The following FIRRM variants were observed in gnomAD, a reference collection of about 807,000 sequenced individuals.
FIRRM encodes the protein FIGNL1-interacting regulator of recombination and mitosis.
At chr1:169,849,607 A>G in the FIRRM span, 1 of 1,603,232 alleles carries the variant, frequency 6.2e-7, no homozygotes, top group Non-Finnish European at 8.5e-7. Context: ...TCGCTGAGGT[A>G]ATTATAAAAC....
the FIRRM span, among the ~76,000 whole-genome samples, chr1:169,800,237 G>A: frequency 6.6e-6 from 1 of 151,692 alleles, no homozygotes; most frequent in Admixed American, 6.6e-5. Context: ...GTAGACATGA[G>A]GTCTTGTCAT....
chr1:169,787,123 T>C, the FIRRM span, among the ~76,000 whole-genome samples: 20 of 152,122 alleles, frequency 1.3e-4, no homozygotes, highest in Admixed American at 1.2e-3. Flanking sequence ...TAGGGACAGA[T>C]TTCAGCAGCC....
the FIRRM span, among the ~76,000 whole-genome samples, chr1:169,824,210 C>T: frequency 6.6e-6 from 1 of 152,204 alleles, no homozygotes; most frequent in Admixed American, 6.5e-5. Context: ...AACACATCTA[C>T]TATTCTATGT....
the FIRRM span, among the ~76,000 whole-genome samples, chr1:169,831,761 GT>G: frequency 6.6e-6 from 1 of 152,030 alleles, no homozygotes; most frequent in Non-Finnish European, 1.5e-5. Context: ...GTTAGTGGTG[GT>G]TTTTTTCTTA....
chr1:169,813,064 A>G, the FIRRM span, among the ~76,000 whole-genome samples: 1 of 152,196 alleles, frequency 6.6e-6, no homozygotes. Context: ...ATAAGTTAAG[A>G]TATGTTATTT....
At chr1:169,821,572 GT>G in the FIRRM span, 1,318 of 745,574 alleles carry the variant, frequency 1.8e-3, 7 homozygotes, top group Middle Eastern at 5.5e-3. Context: ...TTTAAGAGGG[GT>G]TTTTTTTGTT....
At chr1:169,808,888 C>T in the FIRRM span, among the ~76,000 whole-genome samples, 10 of 152,076 alleles carry the variant, frequency 6.6e-5, no homozygotes, top group Admixed American at 5.2e-4. Flanking sequence ...TGTGAGCCAC[C>T]GCGCCCAGCC....
At chr1:169,836,144 C>T in the FIRRM span, among the ~76,000 whole-genome samples, 5 of 138,362 alleles carry the variant, frequency 3.6e-5, no homozygotes, top group African/African-American at 1.3e-4. Flanking sequence ...TTGAATTATT[C>T]TACTTCTTAG....
chr1:169,821,185 C>T, the FIRRM span, among the ~76,000 whole-genome samples: 6 of 152,104 alleles, frequency 3.9e-5, no homozygotes, highest in Non-Finnish European at 8.8e-5. Context: ...CTCAAACCTC[C>T]CCCTTCCCGA....
At chr1:169,852,662 G>C in the FIRRM span, 1 of 936,718 alleles carries the variant, frequency 1.1e-6, no homozygotes, top group Non-Finnish European at 1.6e-6. Flanking sequence ...GGGTTTTGGG[G>C]TGCATCCTCC....
At chr1:169,785,816 T>C in the FIRRM span, among the ~76,000 whole-genome samples, 1 of 152,176 alleles carries the variant, frequency 6.6e-6, no homozygotes, top group African/African-American at 2.4e-5. Context: ...TATTTCCCTG[T>C]CTCCTGTGCA....
At chr1:169,844,846 A>G in the FIRRM span, among the ~76,000 whole-genome samples, 1 of 152,228 alleles carries the variant, frequency 6.6e-6, no homozygotes, top group East Asian at 1.9e-4. Flanking sequence ...CTTCCTTTAT[A>G]AAAGATTTCA....
chr1:169,815,194 G>C, the FIRRM span, among the ~76,000 whole-genome samples: 8 of 151,568 alleles, frequency 5.3e-5, no homozygotes, highest in African/African-American at 1.9e-4. Flanking sequence ...TACTCCGGAG[G>C]CTGAGGCAGG....
chr1:169,816,847 G>A, the FIRRM span, among the ~76,000 whole-genome samples: 1 of 152,150 alleles, frequency 6.6e-6, no homozygotes, highest in African/African-American at 2.4e-5. Context: ...CAAAGCCTTG[G>A]TAAAATAACC....
chr1:169,789,607 G>A, the FIRRM span, among the ~76,000 whole-genome samples: 10 of 152,282 alleles, frequency 6.6e-5, no homozygotes, highest in Middle Eastern at 3.4e-3. Flanking sequence ...TTTACAAGAC[G>A]CACTCTTCTT....
chr1:169,814,837 G>A, the FIRRM span, among the ~76,000 whole-genome samples: 2 of 152,144 alleles, frequency 1.3e-5, no homozygotes, highest in South Asian at 2.1e-4. Context: ...AGTTATCCTC[G>A]GATTTTAGAC....
chr1:169,848,659 T>C, the FIRRM span, among the ~76,000 whole-genome samples: 1 of 152,370 alleles, frequency 6.6e-6, no homozygotes, highest in South Asian at 2.1e-4. Flanking sequence ...GCTTTTCAGC[T>C]CTCTTGACAA....
At chr1:169,838,794 C>T in the FIRRM span, among the ~76,000 whole-genome samples, 1 of 152,106 alleles carries the variant, frequency 6.6e-6, no homozygotes, top group Non-Finnish European at 1.5e-5. Context: ...CCAGCCTCAA[C>T]TTTTATTTTA....
chr1:169,837,957 G>T, the FIRRM span, among the ~76,000 whole-genome samples: 1 of 152,086 alleles, frequency 6.6e-6, no homozygotes, highest in Non-Finnish European at 1.5e-5. Context: ...TTTTGGCGGG[G>T]ATGAGGTTTC....
Sources: gnomAD v4.1 joint callset for allele counts (sites outside exome capture counted in the v4.1 genomes callset) on GRCh38, gnomAD v4.1.1 for gene constraint, MANE v1.5 for transcripts, NCBI Gene and HGNC (gene_info 2026-07-23, HGNC 2026-07-21) for gene names.